The following PTPRR variants were observed in gnomAD, a reference collection of about 807,000 sequenced individuals.
The protein encoded by PTPRR is protein tyrosine phosphatase receptor type R.
Under a neutral mutation model 77.2 loss-of-function variants are expected in PTPRR, and 38 were observed. The ratio of observed to expected loss-of-function variants is 0.49; its 90% CI spans 0.38 to 0.65. The LOEUF (loss-of-function observed/expected upper bound fraction) is 0.65, where lower values mean the gene tolerates loss of function less well. Among genes scored for constraint, PTPRR ranks in the 30% least tolerant of loss-of-function variants. The probability of loss-of-function intolerance (pLI) is 0.00; values close to 1 mark genes in which losing one functional copy is unlikely to be tolerated. For synonymous variants in PTPRR, 299 were observed against 283.1 expected (o/e 1.06, Z -0.57); for missense variants, 744 against 799.2 (o/e 0.93, Z 0.83).
intron 6 of PTPRR, among the ~76,000 whole-genome samples, chr12:70,704,484 G>T (rs549012377): frequency 3.3e-5 from 5 of 151,830 alleles, no homozygotes; most frequent in Non-Finnish European, 7.4e-5. Flanking sequence ...AGAGGATCCA[G>T]AACATCATCA....
At chr12:70,748,937 G>C (rs1890299073) in intron 5 of PTPRR, among the ~76,000 whole-genome samples, 1 of 152,126 alleles carries the variant, frequency 6.6e-6, no homozygotes, top group South Asian at 2.1e-4. Context: ...GAATTCATAG[G>C]CTTCCAGAAA....
intron 10 of PTPRR, 31 bp from the exon 11 acceptor site, chr12:70,662,636 A>C (rs1170134857): frequency 7.4e-7 from 1 of 1,348,592 alleles, no homozygotes; most frequent in Non-Finnish European, 1.1e-6. Context: ...TACAGCAAAT[A>C]TTAATGGCTT....
At chr12:70,684,630 C>T in intron 9 of PTPRR, 74 bp downstream of exon 9, 4 of 1,085,422 alleles carry the variant, frequency 3.7e-6, no homozygotes, top group Middle Eastern at 5.2e-4. Context: ...TTAATCTACT[C>T]TAGGAAAAAG....
At chr12:70,861,623 T>C (rs1248545095) in intron 2 of PTPRR, among the ~76,000 whole-genome samples, 1 of 152,192 alleles carries the variant, frequency 6.6e-6, no homozygotes, top group African/African-American at 2.4e-5. Context: ...TTGATCGCAG[T>C]TGGGGCTGTG....
chr12:70,790,647 A>G (rs1333314858), intron 2 of PTPRR, among the ~76,000 whole-genome samples: 1 of 152,002 alleles, frequency 6.6e-6, no homozygotes, highest in African/African-American at 2.4e-5. Context: ...GTCCACACTG[A>G]ACTCCTGATT....
At chr12:70,754,471 C>T in intron 4 of PTPRR, 170 bp from the exon 5 acceptor site, 1 of 1,560,294 alleles carries the variant, frequency 6.4e-7, no homozygotes. Context: ...AACAGACTGC[C>T]ATCCTTATAT....
chr12:70,644,597 T>C (rs909565451), intron 13 of PTPRR, among the ~76,000 whole-genome samples: 6 of 152,208 alleles, frequency 3.9e-5, no homozygotes, highest in Non-Finnish European at 2.9e-5. Flanking sequence ...GAGAAATAAA[T>C]GGGACTATCA....
chr12:70,852,662 G>T lies in PTPRR; in HGVS notation c.357+40017C>A, dbSNP rs564533055. On this transcript the variant is annotated intron_variant, in intron 2 of 13. Transcript: ENST00000283228. ...ATTTAGAAGAGGCAGTATTAGTGTGGAATAGTGGAATAGACAACAGAAAAG... is the reference window on the plus strand; with the variant it reads ...ATTTAGAAGAGGCAGTATTAGTGTGTAATAGTGGAATAGACAACAGAAAAG... Among the ~76,000 whole-genome samples the T allele has an allele frequency of 9.1e-4, 139 of 152,266 alleles. 1 individual carries two copies. Among genetic ancestry groups the T allele is most frequent in the African/African-American group, 3.0e-3 (125 of 41,570 alleles).
chr12:70,815,662 T>C (rs919872419), intron 2 of PTPRR, among the ~76,000 whole-genome samples: 3 of 152,158 alleles, frequency 2.0e-5, no homozygotes, highest in Non-Finnish European at 4.4e-5. Flanking sequence ...ATAAAACTTC[T>C]GGTAGCTTCT....
chr12:70,745,221 C>T (rs1890174347), intron 6 of PTPRR, among the ~76,000 whole-genome samples: 1 of 152,124 alleles, frequency 6.6e-6, no homozygotes, highest in African/African-American at 2.4e-5. Flanking sequence ...TGCGCCACCT[C>T]ACCTGGCTAT....
At chr12:70,805,080 T>C (rs1485546820) in intron 2 of PTPRR, among the ~76,000 whole-genome samples, 2 of 152,174 alleles carry the variant, frequency 1.3e-5, no homozygotes, top group Non-Finnish European at 2.9e-5. Flanking sequence ...TTATTTTCTA[T>C]GATGTTATTC....
intron 1 of PTPRR, among the ~76,000 whole-genome samples, chr12:70,902,527 A>G (rs982204004): frequency 1.3e-5 from 2 of 151,850 alleles, no homozygotes. Context: ...ATATCTATAT[A>G]TACACACAAT....
intron 2 of PTPRR, among the ~76,000 whole-genome samples, chr12:70,778,295 G>A: frequency 6.6e-6 from 1 of 152,114 alleles, no homozygotes; most frequent in East Asian, 1.9e-4. Flanking sequence ...CCTGAGGCTA[G>A]TCTGTCTTGC....
chr12:70,813,056 A>G (rs1468872217), intron 2 of PTPRR, among the ~76,000 whole-genome samples: 1 of 152,238 alleles, frequency 6.6e-6, no homozygotes, highest in Non-Finnish European at 1.5e-5. Context: ...TCTCAAAATC[A>G]TGACTGGAAA....
At chr12:70,697,945 TA>T (rs1888286645) in intron 8 of PTPRR, among the ~76,000 whole-genome samples, 2 of 152,296 alleles carry the variant, frequency 1.3e-5, no homozygotes, top group South Asian at 4.1e-4. Context: ...CAGATAGTTT[TA>T]ATGATTATTA....
At chr12:70,849,058 A>G (rs1216386363) in intron 2 of PTPRR, among the ~76,000 whole-genome samples, 1 of 152,194 alleles carries the variant, frequency 6.6e-6, no homozygotes, top group Non-Finnish European at 1.5e-5. Context: ...CTTTATTCAA[A>G]AAAATTGACT....
chr12:70,869,573 C>T (rs556344047), intron 2 of PTPRR, among the ~76,000 whole-genome samples: 7 of 152,150 alleles, frequency 4.6e-5, no homozygotes, highest in East Asian at 1.9e-4. Context: ...GGGACTTTGT[C>T]GATGTGATTA....
At chr12:70,675,003 C>T (rs1887391255) in intron 10 of PTPRR, among the ~76,000 whole-genome samples, 1 of 152,050 alleles carries the variant, frequency 6.6e-6, no homozygotes, top group African/African-American at 2.4e-5. Context: ...CTCTAGTAAG[C>T]TCTCTGATAA....
At chr12:70,890,395 G>T (rs1249016541) in intron 2 of PTPRR, among the ~76,000 whole-genome samples, 1 of 152,118 alleles carries the variant, frequency 6.6e-6, no homozygotes, top group East Asian at 1.9e-4. Context: ...GAAATGCTTT[G>T]CGGTGGCAAT....
Sources: allele counts gnomAD v4.1 joint callset (sites outside exome capture counted in the v4.1 genomes callset), GRCh38; gene constraint gnomAD v4.1.1; transcripts MANE v1.5; gene names NCBI Gene and HGNC (gene_info 2026-07-23, HGNC 2026-07-21).